Variants in NELL1 observed in about 807,000 individuals in gnomAD.
NELL1 encodes protein kinase C-binding protein NELL1.
NELL1 carries 76 observed loss-of-function variants against 107.4 expected under a neutral mutation model. That is an observed-to-expected ratio of 0.71 (90% confidence interval 0.59 to 0.86). The LOEUF is 0.86. Ranked by LOEUF, NELL1 falls within the 40% of genes least tolerant of loss-of-function variation. NELL1 has a pLI of 0.00. For missense variants in NELL1, 1,024 were observed against 1,005.5 expected (o/e 1.02, Z -0.25); for synonymous variants, 353 against 341.2 (o/e 1.03, Z -0.38).
chr11:20,855,818 G>A (rs1377492578), intron 4 of NELL1, among the ~76,000 whole-genome samples: 4 of 151,974 alleles, frequency 2.6e-5, no homozygotes, highest in Non-Finnish European at 5.9e-5. Context: ...TTCACTTGTT[G>A]GAAAAGATCA....
intron 5 of NELL1, among the ~76,000 whole-genome samples, chr11:20,908,462 A>G (rs1485230696): frequency 2.0e-5 from 3 of 152,150 alleles, no homozygotes; most frequent in African/African-American, 7.2e-5. Flanking sequence ...GAAGGAGAAA[A>G]CCAAACACCA....
intron 15 of NELL1, among the ~76,000 whole-genome samples, chr11:21,440,518 T>C (rs1056164137): frequency 6.6e-6 from 1 of 152,208 alleles, no homozygotes; most frequent in Non-Finnish European, 1.5e-5. Flanking sequence ...AAATTTTCAC[T>C]ATATCCAAGA....
At chr11:21,369,407 C>A (rs1213209155) in intron 14 of NELL1, among the ~76,000 whole-genome samples, 1 of 132,048 alleles carries the variant, frequency 7.6e-6, no homozygotes, top group African/African-American at 2.8e-5. Context: ...TTCTAAGATG[C>A]TAGAAACAGG....
chr11:21,022,628 A>T (rs1852727272), intron 12 of NELL1, among the ~76,000 whole-genome samples: 1 of 152,144 alleles, frequency 6.6e-6, no homozygotes, highest in Non-Finnish European at 1.5e-5. Context: ...GGAAGAGTTC[A>T]TCTTTCTCAG....
At chr11:21,209,707 AT>A (rs1040672479) in intron 13 of NELL1, among the ~76,000 whole-genome samples, 6 of 152,142 alleles carry the variant, frequency 3.9e-5, no homozygotes, top group Non-Finnish European at 8.8e-5. Context: ...GTTTTAGAAC[AT>A]TTCTTAACTG....
At chr11:21,258,053 C>A (rs190118337) in intron 14 of NELL1, among the ~76,000 whole-genome samples, 2 of 151,966 alleles carry the variant, frequency 1.3e-5, no homozygotes, top group East Asian at 1.9e-4. Flanking sequence ...CTACAGGAGA[C>A]GCCCGAAGTG....
At chr11:21,551,490 A>G (rs1217316283) in intron 16 of NELL1, among the ~76,000 whole-genome samples, 1 of 151,696 alleles carries the variant, frequency 6.6e-6, no homozygotes, top group Non-Finnish European at 1.5e-5. Flanking sequence ...ATGAACAGAC[A>G]CTTCTCAAAA....
chr11:21,172,091 G>A (rs2133813515), intron 13 of NELL1, among the ~76,000 whole-genome samples: 1 of 132,352 alleles, frequency 7.6e-6, no homozygotes, highest in East Asian at 2.0e-4. Context: ...GAAAATCCAA[G>A]AAGGGCGTTT....
intron 2 of NELL1, among the ~76,000 whole-genome samples, chr11:20,697,887 G>A (rs951743840): frequency 2.0e-5 from 3 of 152,106 alleles, no homozygotes; most frequent in Non-Finnish European, 2.9e-5. Flanking sequence ...TCACAAAACC[G>A]TGCTTGAGGT....
chr11:21,238,260 A>T (rs1046649736), intron 14 of NELL1, among the ~76,000 whole-genome samples: 4 of 152,110 alleles, frequency 2.6e-5, no homozygotes, highest in Non-Finnish European at 4.4e-5. Context: ...TATCACAAAT[A>T]CAACTATTTC....
chr11:21,474,593 C>G (rs1854275075), intron 15 of NELL1, among the ~76,000 whole-genome samples: 1 of 152,056 alleles, frequency 6.6e-6, no homozygotes, highest in Non-Finnish European at 1.5e-5. Context: ...ATAACTGAAG[C>G]AGCTGAGGAT....
Position 21,145,613 on chromosome 11 carries a change from A to G in NELL1, c.1426+31899A>G, listed in dbSNP as rs59365204. 1.9e-3 allele frequency among the ~76,000 whole-genome samples: 287 copies of G among 152,334 alleles called. 1 individual carries two copies. Among genetic ancestry groups the G allele is most frequent in the African/African-American group, 6.3e-3 (262 of 41,564 alleles). On this transcript the variant is annotated intron_variant, in intron 13 of 19. Coordinates refer to ENST00000357134, the MANE Select transcript of NELL1 (RefSeq NM_006157.5). ...TCTTGATTATCCAATTGTATGATTT[A>G]CAATGAAAGAGTCAAATAAGCTTGA...
intron 15 of NELL1, among the ~76,000 whole-genome samples, chr11:21,438,798 G>C (rs1853201705): frequency 6.6e-6 from 1 of 151,454 alleles, no homozygotes; most frequent in African/African-American, 2.4e-5. Context: ...TGGGATTTCT[G>C]TTTTTTTCTA....
chr11:21,330,425 A>G (rs190057131), intron 14 of NELL1, among the ~76,000 whole-genome samples: 2 of 152,170 alleles, frequency 1.3e-5, no homozygotes, highest in East Asian at 3.9e-4. Flanking sequence ...CTAGCAACAA[A>G]TTCTGTCAAT....
chr11:21,423,466 AAC>A lies in NELL1; in HGVS notation c.1645+52520_1645+52521del, dbSNP rs199643750. ...TACAAACATTTAAACAATAATAAAAAACAAAAATAAATAAAACAAAAGTGACA... is the reference window on the plus strand; with the variant it reads ...TACAAACATTTAAACAATAATAAAAAAAAAATAAATAAAACAAAAGTGACA... On this transcript the variant is annotated intron_variant, in intron 15 of 19. Coordinates refer to ENST00000357134, the MANE Select transcript of NELL1 (RefSeq NM_006157.5). Among the ~76,000 whole-genome samples, 1,231 of 152,202 alleles carry A rather than the reference AAC, an allele frequency of 8.1e-3. 19 individuals carry two copies. Among genetic ancestry groups the A allele is most frequent in the African/African-American group, 0.028 (1,178 of 41,492 alleles).
At chr11:20,699,963 C>T (rs2467088) in intron 2 of NELL1, among the ~76,000 whole-genome samples, 29,080 of 151,946 alleles carry the variant, frequency 0.19, 3,091 homozygotes, top group African/African-American at 0.25. Context: ...AGTTTTTAAA[C>T]TATGGCCATT....
chr11:20,913,135 CCTA>C (rs1192057258), intron 5 of NELL1, among the ~76,000 whole-genome samples: 2 of 152,080 alleles, frequency 1.3e-5, no homozygotes, highest in Admixed American at 6.6e-5. Flanking sequence ...GTTTACAGGT[CCTA>C]CTTTTTGTTA....
At chr11:20,847,881 A>G (rs1848728534) in intron 4 of NELL1, 128 bp downstream of exon 4, 7 of 996,014 alleles carry the variant, frequency 7.0e-6, no homozygotes, top group Non-Finnish European at 1.0e-5. Flanking sequence ...TTGTAATTTA[A>G]CCTACCAAAT....
At chr11:21,079,525 A>G (rs1489292971) in intron 12 of NELL1, among the ~76,000 whole-genome samples, 2 of 152,090 alleles carry the variant, frequency 1.3e-5, no homozygotes, top group Non-Finnish European at 1.5e-5. Flanking sequence ...TTGGCTATAC[A>G]CAGTAAAACT....
Sources: allele counts gnomAD v4.1 joint callset (sites outside exome capture counted in the v4.1 genomes callset), GRCh38; gene constraint gnomAD v4.1.1; transcripts MANE v1.5; gene names NCBI Gene and HGNC (gene_info 2026-07-23, HGNC 2026-07-21).